ADRA1B: variants seen among roughly 807,000 people sequenced by gnomAD.
ADRA1B encodes adrenoceptor alpha 1B.
ADRA1B carries 17 observed loss-of-function variants against 17.9 expected under a neutral mutation model. The observed-to-expected ratio is 0.95, with a 90% CI of 0.65 to 1.42. ADRA1B has a LOEUF of 1.42. Among genes scored for constraint, ADRA1B ranks in the 40% most tolerant of loss-of-function variants. The pLI, the probability that ADRA1B is intolerant of heterozygous loss-of-function variation, is 0.00. For synonymous variants in ADRA1B, 366 were observed against 327.6 expected, an observed-to-expected ratio of 1.12 and a Z score of -1.27; for missense variants, 681 against 722.1, an observed-to-expected ratio of 0.94 and a Z score of 0.65.
At chr5:159,881,299 T>TTCTCTCTGTCTCTC (rs56069000) in intron 1 of ADRA1B, among the ~76,000 whole-genome samples, 5,622 of 131,960 alleles carry the variant, frequency 0.043, 485 homozygotes, top group Non-Finnish European at 0.066. Flanking sequence ...TATCAGAAAG[T>TTCTCTCTGTCTCTC]TCTCTCTCTC....
intron 1 of ADRA1B, among the ~76,000 whole-genome samples, chr5:159,921,980 T>C (rs1245636019): frequency 6.6e-6 from 1 of 152,232 alleles, no homozygotes; most frequent in African/African-American, 2.4e-5. Flanking sequence ...GGGAAGTTTT[T>C]ACACACGGGA....
chr5:159,895,262 G>T (rs62377660), intron 1 of ADRA1B, among the ~76,000 whole-genome samples: 1 of 152,276 alleles, frequency 6.6e-6, no homozygotes, highest in African/African-American at 2.4e-5. Flanking sequence ...GACCCATTTC[G>T]CCAGCTTACC....
At chr5:159,950,676 G>C in intron 1 of ADRA1B, 1 of 729,538 alleles carries the variant, frequency 1.4e-6, no homozygotes, top group South Asian at 1.5e-5. Context: ...GCTCAGTGTC[G>C]CCCCAGATGC....
At chr5:159,927,414 C>CACACACACACAT (rs1554090089) in intron 1 of ADRA1B, among the ~76,000 whole-genome samples, 3 of 151,160 alleles carry the variant, frequency 2.0e-5, no homozygotes, top group Non-Finnish European at 4.4e-5. Flanking sequence ...CACACACACA[C>CACACACACACAT]GTATGCATAG....
At chr5:159,907,232 C>T (rs112819514) in intron 1 of ADRA1B, among the ~76,000 whole-genome samples, 3 of 152,338 alleles carry the variant, frequency 2.0e-5, no homozygotes, top group African/African-American at 7.2e-5. Context: ...AGCTCACCAA[C>T]ACCCACACCG....
chr5:159,892,849 C>A (rs1003659146), intron 1 of ADRA1B, among the ~76,000 whole-genome samples: 1 of 152,134 alleles, frequency 6.6e-6, no homozygotes, highest in African/African-American at 2.4e-5. Context: ...GGCAGATACC[C>A]AGTAATGGGA....
At chr5:159,866,644 T>C (rs1753657532) in intron 1 of ADRA1B, among the ~76,000 whole-genome samples, 2 of 150,902 alleles carry the variant, frequency 1.3e-5, no homozygotes, top group Admixed American at 1.3e-4. Flanking sequence ...CCACTCACAG[T>C]GTAGTGGGGG....
chr5:159,925,427 G>A (rs1262703180), intron 1 of ADRA1B, among the ~76,000 whole-genome samples: 4 of 152,072 alleles, frequency 2.6e-5, no homozygotes, highest in African/African-American at 9.7e-5. Context: ...ATCAAATTTG[G>A]AGAAACACAT....
chr5:159,876,228 T>G (rs567541258), intron 1 of ADRA1B, among the ~76,000 whole-genome samples: 1 of 152,252 alleles, frequency 6.6e-6, no homozygotes, highest in African/African-American at 2.4e-5. Flanking sequence ...TTTTATTACT[T>G]CATTTTAAAA....
chr5:159,944,954 G>C (rs1490205312), intron 1 of ADRA1B, among the ~76,000 whole-genome samples: 2 of 152,204 alleles, frequency 1.3e-5, no homozygotes, highest in Non-Finnish European at 2.9e-5. Context: ...ATAAGCATGT[G>C]ATATCAGATA....
At chr5:159,874,909 G>A (rs994478778) in intron 1 of ADRA1B, among the ~76,000 whole-genome samples, 4 of 152,188 alleles carry the variant, frequency 2.6e-5, no homozygotes, top group African/African-American at 9.6e-5. Flanking sequence ...TTTTCCATGG[G>A]ATATTTTCTT....
At chr5:159,932,232 C>T (rs1410575809) in intron 1 of ADRA1B, among the ~76,000 whole-genome samples, 1 of 152,098 alleles carries the variant, frequency 6.6e-6, no homozygotes, top group Admixed American at 6.6e-5. Context: ...TAGCTCACTG[C>T]AGTCTTGAAC....
chr5:159,905,938 C>T (rs973437411), intron 1 of ADRA1B, among the ~76,000 whole-genome samples: 6 of 151,778 alleles, frequency 4.0e-5, no homozygotes, highest in African/African-American at 1.5e-4. Context: ...CTCACTGCAA[C>T]TTCCGCCTCC....
At chr5:159,950,450 C>T (rs1755402694) in intron 1 of ADRA1B, 13 of 1,036,082 alleles carry the variant, frequency 1.3e-5, no homozygotes, top group East Asian at 2.4e-5. Flanking sequence ...GAGGGCTTCT[C>T]GCTTCCTCTC....
chr5:159,895,225 G>C (rs1026728438), intron 1 of ADRA1B, among the ~76,000 whole-genome samples: 1 of 152,168 alleles, frequency 6.6e-6, no homozygotes, highest in Non-Finnish European at 1.5e-5. Flanking sequence ...TACCCTTCTA[G>C]ACCAAGATGG....
At chr5:159,928,231 G>A (rs1161019820) in intron 1 of ADRA1B, among the ~76,000 whole-genome samples, 1 of 152,132 alleles carries the variant, frequency 6.6e-6, no homozygotes, top group Non-Finnish European at 1.5e-5. Context: ...TTGTAAGGCT[G>A]GAATCAGTGC....
At chr5:159,978,505 G>A in the ADRA1B span, among the ~76,000 whole-genome samples, 6 of 152,266 alleles carry the variant, frequency 3.9e-5, no homozygotes, top group East Asian at 1.9e-4. Flanking sequence ...AAGGCCTGCC[G>A]TCTGATTCTG....
intron 1 of ADRA1B, among the ~76,000 whole-genome samples, chr5:159,954,624 A>G (rs926191614): frequency 3.3e-5 from 5 of 152,118 alleles, no homozygotes; most frequent in Non-Finnish European, 7.4e-5. Context: ...GAGTCAGGAG[A>G]GGCCACAAGG....
intron 1 of ADRA1B, among the ~76,000 whole-genome samples, chr5:159,953,832 G>A (rs1029544926): frequency 3.3e-5 from 5 of 151,954 alleles, no homozygotes; most frequent in African/African-American, 7.2e-5. Flanking sequence ...TGCTGAGGGC[G>A]ATAATCCAAA....
Sources: allele counts gnomAD v4.1 joint callset (sites outside exome capture counted in the v4.1 genomes callset), GRCh38; gene constraint gnomAD v4.1.1; transcripts MANE v1.5; gene names NCBI Gene and HGNC (gene_info 2026-07-23, HGNC 2026-07-21).